The following ACACA variants were observed in gnomAD, a reference collection of about 807,000 sequenced individuals.
The protein encoded by ACACA is acetyl-CoA carboxylase alpha.
ACACA carries 103 observed loss-of-function variants against 296.1 expected under a neutral mutation model. That is an observed-to-expected ratio of 0.35 (90% CI 0.30 to 0.41). ACACA has a LOEUF of 0.41. ACACA is among the 10% of genes least tolerant of loss of function. The pLI is 1.00. For synonymous variants in ACACA, 953 were observed against 1,038.6 expected (o/e 0.92, Z 1.58); for missense variants, 1,554 against 2,989.7 (o/e 0.52, Z 11.20).
intron 45 of ACACA, among the ~76,000 whole-genome samples, chr17:37,142,564 A>C (rs1302502227): frequency 1.3e-5 from 2 of 152,230 alleles, no homozygotes; most frequent in African/African-American, 4.8e-5. Context: ...CTCTTTAGAA[A>C]GGAGAGTGAT....
intron 1 of ACACA, among the ~76,000 whole-genome samples, chr17:37,355,887 G>C (rs1212448631): frequency 6.8e-6 from 1 of 146,694 alleles, no homozygotes; most frequent in East Asian, 2.1e-4. Flanking sequence ...ATAAAATGGA[G>C]GCCAGATGCG....
At chr17:37,266,138 G>T (rs1329310487) in intron 10 of ACACA, among the ~76,000 whole-genome samples, 1 of 152,148 alleles carries the variant, frequency 6.6e-6, no homozygotes, top group Non-Finnish European at 1.5e-5. Context: ...TTAGGGCCAG[G>T]CATGGTGGCT....
At chr17:37,206,665 T>C in intron 32 of ACACA, 118 bp downstream of exon 32, 1 of 832,156 alleles carries the variant, frequency 1.2e-6, no homozygotes, top group Non-Finnish European at 2.0e-6. Context: ...TTAAATACTA[T>C]AAAGTGGGGT....
At chr17:37,282,973 T>G (rs563069369) in intron 5 of ACACA, among the ~76,000 whole-genome samples, 1 of 152,184 alleles carries the variant, frequency 6.6e-6, no homozygotes, top group Non-Finnish European at 1.5e-5. Context: ...GAATGTGGCA[T>G]AGCAAATATT....
At chr17:37,216,455 C>T (rs1341481021) in intron 29 of ACACA, among the ~76,000 whole-genome samples, 2 of 151,842 alleles carry the variant, frequency 1.3e-5, no homozygotes, top group African/African-American at 4.8e-5. Context: ...TAATATACCT[C>T]GACTGATGCA....
At chr17:37,207,940 A>G (rs576774650) in intron 30 of ACACA, 140 bp from the exon 31 acceptor site, 24 of 899,424 alleles carry the variant, frequency 2.7e-5, no homozygotes, top group South Asian at 2.3e-4. Context: ...TTTACCCACT[A>G]TGGATAAGGT....
intron 7 of ACACA, among the ~76,000 whole-genome samples, chr17:37,276,701 A>C (rs190330610): frequency 6.6e-6 from 1 of 152,314 alleles, no homozygotes; most frequent in East Asian, 1.9e-4. Context: ...AATTATCTTC[A>C]CTATCTAAAA....
chr17:37,300,482 A>G (rs1351439930), intron 3 of ACACA, among the ~76,000 whole-genome samples: 1 of 152,208 alleles, frequency 6.6e-6, no homozygotes, highest in African/African-American at 2.4e-5. Flanking sequence ...AACCTGAATC[A>G]TGAACCATAA....
intron 25 of ACACA, among the ~76,000 whole-genome samples, chr17:37,234,575 T>C (rs1242347876): frequency 4.6e-5 from 7 of 152,164 alleles, no homozygotes; most frequent in Non-Finnish European, 1.0e-4. Context: ...TTCTATTTAT[T>C]TTTTTTCAAG....
At chr17:37,325,460 T>C (rs2047565255) in intron 3 of ACACA, among the ~76,000 whole-genome samples, 2 of 151,578 alleles carry the variant, frequency 1.3e-5, no homozygotes, top group Non-Finnish European at 2.9e-5. Flanking sequence ...GGCTGATATA[T>C]CAACCTCTAG....
intron 1 of ACACA, chr17:37,375,947 G>A (rs1355670231): frequency 2.1e-5 from 13 of 606,688 alleles, no homozygotes; most frequent in Non-Finnish European, 3.5e-5. Flanking sequence ...CAGGAAATGG[G>A]GCAAAATAAT....
At chr17:37,149,064 C>G (rs1216976031) in intron 45 of ACACA, among the ~76,000 whole-genome samples, 1 of 152,214 alleles carries the variant, frequency 6.6e-6, no homozygotes, top group African/African-American at 2.4e-5. Context: ...GATGTCAGAA[C>G]TGCACTGTCC....
intron 52 of ACACA, among the ~76,000 whole-genome samples, chr17:37,103,750 C>A (rs5820206): frequency 7.0e-6 from 1 of 143,134 alleles, no homozygotes; most frequent in Non-Finnish European, 1.5e-5. Flanking sequence ...CACACACACA[C>A]AAAATGCCAA....
chr17:37,117,211 A>C (rs1361022967), intron 50 of ACACA, among the ~76,000 whole-genome samples: 2 of 152,218 alleles, frequency 1.3e-5, no homozygotes, highest in African/African-American at 4.8e-5. Flanking sequence ...GGCTTGGGCA[A>C]GATTATCTGT....
rs181316983 is a variant in ACACA at position 37,277,416 on chromosome 17, A to G, written c.721-302T>C. ...GCCTAGGCTGTAAAGGGCGTTTTCT[A>G]GAAAAACTGGCTATGTTTCACATAT... On this transcript the variant is annotated intron_variant, in intron 6 of 55. Coordinates refer to ENST00000616317, the MANE Select transcript of ACACA (RefSeq NM_198834.3). 3.6e-4 allele frequency among the ~76,000 whole-genome samples: 55 copies of G among 152,384 alleles called. No homozygotes were observed. In the East Asian group the frequency reaches 7.9e-3, roughly 22 times the overall value.
At chr17:37,365,777 A>G (rs1401121299) in intron 1 of ACACA, 5 of 977,138 alleles carry the variant, frequency 5.1e-6, no homozygotes, top group African/African-American at 1.8e-5. Flanking sequence ...GAATTGCACA[A>G]TGAAGGACAG....
In ACACA at chr17:37,242,037, T is replaced by C; in HGVS notation, c.2948A>G (p.Asp983Gly). 1 of 1,613,870 alleles carries C rather than the reference T, an allele frequency of 6.2e-7. No individual in the cohort carries two copies. ...CCGGTTCAATGTAGCTGCATGGCTA[T>C]CTAGGATGTTTGCAATCTAAGGTAT... ...FPSQQIANIL[D>G]SHAATLNRKS... Residue 983 changes from aspartate (D) to glycine (G), a missense_variant, in exon 23 of 56, where the codon GAT becomes GGT. By Grantham distance (94) the Asp-to-Gly change is moderately conservative (BLOSUM62 -1). Around this residue, in one of 16 missense-constraint regions of ACACA, gnomAD observed 316 missense variants for 540.9 expected, o/e 0.58. Coordinates refer to ENST00000616317, the MANE Select transcript of ACACA (RefSeq NM_198834.3).
intron 1 of ACACA, among the ~76,000 whole-genome samples, chr17:37,382,671 C>A (rs1034959578): frequency 6.6e-6 from 1 of 152,072 alleles, no homozygotes; most frequent in African/African-American, 2.4e-5. Flanking sequence ...ACCATCCTGG[C>A]CAACATGGTA....
At chr17:37,140,639 C>T (rs558303758) in intron 45 of ACACA, 21 of 176,982 alleles carry the variant, frequency 1.2e-4, no homozygotes, top group African/African-American at 4.5e-4. Context: ...AGCCTGGGTC[C>T]CCTGCATGGA....
Sources: gnomAD v4.1 joint callset for allele counts (sites outside exome capture counted in the v4.1 genomes callset) on GRCh38, gnomAD v4.1.1 for gene constraint, gnomAD v4.1.1 regional missense constraint, MANE v1.5 for transcripts, NCBI Gene and HGNC (gene_info 2026-07-23, HGNC 2026-07-21) for gene names.